NAALADL2: variants seen among roughly 807,000 people sequenced by gnomAD.
The protein encoded by NAALADL2 is inactive N-acetylated-alpha-linked acidic dipeptidase-like protein 2.
A neutral mutation model predicts 87.2 loss-of-function variants in NAALADL2; 76 were observed. The ratio of observed to expected loss-of-function variants is 0.87; its 90% CI spans 0.72 to 1.05. The LOEUF is 1.05. Among genes scored for constraint, NAALADL2 ranks in the 50% least tolerant of loss-of-function variants. The pLI is 0.00. For synonymous variants in NAALADL2, 354 were observed against 331.0 expected (o/e 1.07, Z -0.75); for missense variants, 1,089 against 945.8 (o/e 1.15, Z -1.99).
intron 2 of NAALADL2, among the ~76,000 whole-genome samples, chr3:174,569,252 G>A (rs1578193242): frequency 6.6e-6 from 1 of 151,746 alleles, no homozygotes; most frequent in East Asian, 1.9e-4. Context: ...AAGAAATAAT[G>A]CTTTTAATAA....
At chr3:175,610,295 T>C (rs551692949) in intron 10 of NAALADL2, among the ~76,000 whole-genome samples, 20 of 152,310 alleles carry the variant, frequency 1.3e-4, no homozygotes, top group Non-Finnish European at 2.4e-4. Context: ...TCTACATTTC[T>C]GTGTGTTTAT....
intron 1 of NAALADL2, among the ~76,000 whole-genome samples, chr3:174,983,140 C>G (rs1035840916): frequency 1.3e-5 from 2 of 151,864 alleles, no homozygotes; most frequent in African/African-American, 4.8e-5. Context: ...GGAGGCCCAC[C>G]ATCCTACACA....
intron 1 of NAALADL2, among the ~76,000 whole-genome samples, chr3:174,871,770 A>G (rs1437943408): frequency 6.6e-6 from 1 of 152,118 alleles, no homozygotes; most frequent in Non-Finnish European, 1.5e-5. Flanking sequence ...GTGGTGGTGC[A>G]TGCCTGTAGT....
intron 2 of NAALADL2, among the ~76,000 whole-genome samples, chr3:175,196,992 G>T (rs1261592304): frequency 6.6e-6 from 1 of 151,626 alleles, no homozygotes; most frequent in Non-Finnish European, 1.5e-5. Flanking sequence ...TAAAAAATAA[G>T]AAAAAAATAG....
At chr3:175,561,401 A>G (rs1415603012) in intron 9 of NAALADL2, among the ~76,000 whole-genome samples, 1 of 152,200 alleles carries the variant, frequency 6.6e-6, no homozygotes, top group Non-Finnish European at 1.5e-5. Context: ...TATAGGCAGA[A>G]TATTTTTTCA....
chr3:175,346,431 A>G (rs564049572), intron 5 of NAALADL2, among the ~76,000 whole-genome samples: 1 of 152,280 alleles, frequency 6.6e-6, no homozygotes, highest in East Asian at 1.9e-4. Context: ...CAATGAGCGC[A>G]CCAAAAAACT....
At chr3:175,474,108 A>G (rs932459802) in intron 9 of NAALADL2, among the ~76,000 whole-genome samples, 3 of 152,142 alleles carry the variant, frequency 2.0e-5, no homozygotes, top group African/African-American at 7.2e-5. Context: ...GGCTGGGGTA[A>G]GGTGGTATCT....
At chr3:175,443,232 A>T (rs191637318) in intron 5 of NAALADL2, among the ~76,000 whole-genome samples, 66 of 152,316 alleles carry the variant, frequency 4.3e-4, no homozygotes, top group Admixed American at 2.9e-3. Context: ...TTTCAAAACT[A>T]ATGCAAGTCT....
At chr3:174,806,055 G>A (rs889526858) in intron 3 of NAALADL2, among the ~76,000 whole-genome samples, 3 of 152,176 alleles carry the variant, frequency 2.0e-5, no homozygotes, top group Non-Finnish European at 4.4e-5. Context: ...GTTTGATGAT[G>A]ACTATACAAG....
intron 4 of NAALADL2, among the ~76,000 whole-genome samples, chr3:175,317,521 G>A (rs899130388): frequency 2.0e-5 from 3 of 151,838 alleles, no homozygotes; most frequent in Admixed American, 6.6e-5. Context: ...TGGCCATCCC[G>A]CTGGTAAACT....
At chr3:174,696,402 A>G (rs1729012480) in intron 2 of NAALADL2, among the ~76,000 whole-genome samples, 2 of 152,036 alleles carry the variant, frequency 1.3e-5, no homozygotes, top group Admixed American at 1.3e-4. Flanking sequence ...TTCTTGTTGT[A>G]TGAGTGCTAG....
chr3:175,005,322 T>C (rs1158409931), intron 1 of NAALADL2, among the ~76,000 whole-genome samples: 1 of 152,178 alleles, frequency 6.6e-6, no homozygotes, highest in Non-Finnish European at 1.5e-5. Context: ...TCAGGTCCAG[T>C]GCAAACAGCA....
Position 174,990,555 on chromosome 3 carries a change from A to G in NAALADL2, c.44-106235A>G, listed in dbSNP as rs537134616. Among the ~76,000 whole-genome samples, 4 of 152,304 alleles carry G rather than the reference A, an allele frequency of 2.6e-5. No individual in the cohort carries two copies. In the East Asian group the frequency reaches 7.7e-4, roughly 29 times the overall value. On this transcript the variant is annotated intron_variant, in intron 1 of 13. Transcript: ENST00000454872. ...TTTTTGAAGGTGGTTTTAAATAAGCATAGCTTTTTAAAAGTTGTATATATG... is the reference window on the plus strand; with the variant it reads ...TTTTTGAAGGTGGTTTTAAATAAGCGTAGCTTTTTAAAAGTTGTATATATG...
chr3:175,036,860 A>G (rs1193373735), intron 1 of NAALADL2, among the ~76,000 whole-genome samples: 1 of 148,936 alleles, frequency 6.7e-6, no homozygotes, highest in Non-Finnish European at 1.5e-5. Context: ...AACAACAACA[A>G]CAGCATAATA....
chr3:175,433,931 A>G (rs996365905), intron 5 of NAALADL2, among the ~76,000 whole-genome samples: 1 of 151,898 alleles, frequency 6.6e-6, no homozygotes, highest in African/African-American at 2.4e-5. Context: ...AACCAAGGGA[A>G]TTTTTCCCAT....
intron 3 of NAALADL2, among the ~76,000 whole-genome samples, chr3:174,798,024 G>C (rs1560234857): frequency 2.0e-5 from 3 of 147,714 alleles, no homozygotes; most frequent in Admixed American, 6.9e-5. Flanking sequence ...TAATCAGTTA[G>C]TTTTTATTTA....
At chr3:175,397,954 A>G (rs542406282) in intron 5 of NAALADL2, among the ~76,000 whole-genome samples, 2 of 152,238 alleles carry the variant, frequency 1.3e-5, no homozygotes, top group African/African-American at 4.8e-5. Context: ...AAGCCAGTTT[A>G]TTGTTTTAGT....
chr3:174,489,224 A>T (rs1244708714), intron 1 of NAALADL2, among the ~76,000 whole-genome samples: 1 of 152,094 alleles, frequency 6.6e-6, no homozygotes, highest in Non-Finnish European at 1.5e-5. Flanking sequence ...TGGTGCCAAA[A>T]CAATTTAATG....
intron 5 of NAALADL2, among the ~76,000 whole-genome samples, chr3:175,347,572 C>T (rs1416415610): frequency 6.6e-6 from 1 of 151,992 alleles, no homozygotes; most frequent in African/African-American, 2.4e-5. Flanking sequence ...AACCCCGTCA[C>T]CACCCCCCAA....
Sources: allele counts gnomAD v4.1 joint callset (sites outside exome capture counted in the v4.1 genomes callset), GRCh38; gene constraint gnomAD v4.1.1; transcripts MANE v1.5; gene names NCBI Gene and HGNC (gene_info 2026-07-23, HGNC 2026-07-21).